The following S100PBP variants were observed in gnomAD, a reference collection of about 807,000 sequenced individuals.
S100PBP encodes S100P-binding protein.
Under a neutral mutation model 39.9 loss-of-function variants are expected in S100PBP, and 15 were observed. That is an observed-to-expected ratio of 0.38 (90% confidence interval 0.25 to 0.58). The LOEUF is 0.58. S100PBP is among the 20% of genes least tolerant of loss of function. The probability of loss-of-function intolerance (pLI) is 0.70; values close to 1 mark genes in which losing one functional copy is unlikely to be tolerated. For synonymous variants in S100PBP, 178 were observed against 180.3 expected (o/e 0.99, Z 0.10); for missense variants, 504 against 487.3 (o/e 1.03, Z -0.32).
At chr1:32,835,194 A>G (rs760341665) in intron 5 of S100PBP, 2 of 152,222 alleles carry the variant, frequency 1.3e-5, no homozygotes, top group Non-Finnish European at 2.9e-5. Flanking sequence ...GTTATTAACT[A>G]GCATTCTTTT....
At chr1:32,838,723 A>G (rs1215032253) in intron 5 of S100PBP, among the ~76,000 whole-genome samples, 1 of 151,782 alleles carries the variant, frequency 6.6e-6, no homozygotes. Context: ...GGTGCCTGCA[A>G]TCCCAGCTAC....
intron 5 of S100PBP, among the ~76,000 whole-genome samples, chr1:32,838,742 C>G (rs1639958748): frequency 6.6e-6 from 1 of 151,846 alleles, no homozygotes; most frequent in African/African-American, 2.4e-5. Flanking sequence ...ACTCTGGAGG[C>G]TGAGGCAGGA....
rs1557485947 is a variant in S100PBP at position 32,826,584 on chromosome 1, A to C, written c.485A>C (p.Lys162Thr). The part of the protein sequence containing the change: ...NPTVCDALLD[K>T]DETDSSKDTE... ...ACAGTTTGTGATGCTCTGCTTGATAAGGACGAGACTGATTCGTCCAAAGAT... is the reference window on the plus strand; with the variant it reads ...ACAGTTTGTGATGCTCTGCTTGATACGGACGAGACTGATTCGTCCAAAGAT... The change falls in exon 3 of 7, where the codon AAG becomes ACG. Residue 162 changes from lysine (K) to threonine (T), a missense_variant. Lys to Thr is a moderately conservative substitution (Grantham distance 78). Transcript: ENST00000373475. The C allele has an allele frequency of 1.2e-6, 2 of 1,613,866 alleles. No individual in the cohort carries two copies. The highest frequency in any genetic ancestry group is 1.7e-6 in the Non-Finnish European group (2 of 1,179,990).
At chr1:32,847,985 C>T (rs867847823) in intron 5 of S100PBP, among the ~76,000 whole-genome samples, 2 of 152,074 alleles carry the variant, frequency 1.3e-5, no homozygotes. Context: ...AAGAATTAAC[C>T]GTAGAGCCGA....
chr1:32,837,072 A>C (rs1569887360), intron 5 of S100PBP: 1 of 149,044 alleles, frequency 6.7e-6, no homozygotes, highest in East Asian at 2.0e-4. Flanking sequence ...CCCCATCTCT[A>C]CTAAAAAAAA....
At chr1:32,855,248 T>TC (rs1640775690) in intron 6 of S100PBP, among the ~76,000 whole-genome samples, 1 of 152,216 alleles carries the variant, frequency 6.6e-6, no homozygotes, top group African/African-American at 2.4e-5. Flanking sequence ...ATTTGTTTTT[T>TC]CTTTTTCTTT....
chr1:32,842,742 C>T (rs1199782706), intron 5 of S100PBP: 2 of 151,772 alleles, frequency 1.3e-5, no homozygotes, highest in Non-Finnish European at 2.9e-5. Context: ...TTACAAATGC[C>T]TGCCACTACA....
At chr1:32,843,505 G>A (rs1031259174) in intron 5 of S100PBP, among the ~76,000 whole-genome samples, 1 of 151,798 alleles carries the variant, frequency 6.6e-6, no homozygotes, top group African/African-American at 2.4e-5. Context: ...TTGCCAGGCT[G>A]GAGTGCGATG....
In S100PBP at chr1:32,858,760, C is replaced by T. The variant is rs142200393; in HGVS notation, c.*2722C>T. 4 of 152,220 alleles carry T rather than the reference C, an allele frequency of 2.6e-5. No individual in the cohort carries two copies. In the East Asian group the frequency reaches 7.7e-4, roughly 29 times the overall value. The allele number at this position is 152,220 out of a possible 1,614,324, so 9.4% of individuals were successfully genotyped here. A position where few individuals can be genotyped will look rare whatever the true frequency, so the allele number is the denominator to read the frequency against. On this transcript the variant is annotated 3_prime_UTR_variant, in exon 7 of 7. Transcript: ENST00000373475. ...TCGAATGCAGGCCCTGATTTACTGGCGTTGTCAGTTTCAATTATGAAACTG... is the reference window on the plus strand; with the variant it reads ...TCGAATGCAGGCCCTGATTTACTGGTGTTGTCAGTTTCAATTATGAAACTG...
At chr1:32,820,101 A>G (rs1311043764) in intron 1 of S100PBP, among the ~76,000 whole-genome samples, 3 of 146,528 alleles carry the variant, frequency 2.0e-5, no homozygotes, top group Non-Finnish European at 4.5e-5. Flanking sequence ...TCTAGGGGAA[A>G]TTCCCTACCA....
At chr1:32,845,613 A>T (rs1557509033) in intron 5 of S100PBP, among the ~76,000 whole-genome samples, 1 of 151,588 alleles carries the variant, frequency 6.6e-6, no homozygotes. Flanking sequence ...TTCTCTAAGC[A>T]TTTTAAGCCA....
chr1:32,841,653 C>T (rs1246530636), intron 5 of S100PBP, among the ~76,000 whole-genome samples: 3 of 148,648 alleles, frequency 2.0e-5, no homozygotes, highest in East Asian at 2.0e-4. Context: ...TGCTTGAACC[C>T]GGAAAGTAAA....
chr1:32,855,108 A>G lies in S100PBP; in HGVS notation c.1113-816A>G, dbSNP rs541824772. Among the ~76,000 whole-genome samples the G allele has an allele frequency of 4.3e-4, 65 of 152,196 alleles. 1 individual carries two copies. Among genetic ancestry groups the G allele is most frequent in the Non-Finnish European group, 6.2e-4 (42 of 68,042 alleles). On this transcript the variant is annotated intron_variant, in intron 6 of 6. Transcript: ENST00000373475. ...ATAAATGTCAGGTACTGTTACAGTT[A>G]TTTTCAACCCTGGCGACTACTCATA...
intron 6 of S100PBP, 90 bp from the exon 7 acceptor site, chr1:32,855,834 C>T: frequency 1.5e-6 from 1 of 666,072 alleles, no homozygotes; most frequent in Non-Finnish European, 2.5e-6. Context: ...TAAAGATCTT[C>T]TTAAAATTGT....
At chr1:32,817,485 G>A (rs1569798121), upstream of S100PBP, 5 of 609,848 alleles carry the variant, frequency 8.2e-6, no homozygotes, top group East Asian at 8.3e-5. Flanking sequence ...GGTGGGCGGT[G>A]CGGAGGGCGG....
intron 5 of S100PBP, among the ~76,000 whole-genome samples, chr1:32,833,370 CTTTT>C (rs747323217): frequency 7.1e-6 from 1 of 141,174 alleles, no homozygotes. Flanking sequence ...TTATTATTTT[CTTTT>C]TTTTTTTTTT....
rs6672560 is a variant in S100PBP at position 32,839,811 on chromosome 1, A to C, written c.1024+9744A>C. On this transcript the variant is annotated intron_variant, in intron 5 of 6. Transcript: ENST00000373475. ...AGGTGTGTACCACTGCACCCAGACT[A>C]TTTTCTTTTACTTATTTGTTTTTTG... Among the ~76,000 whole-genome samples the C allele has an allele frequency of 3.3e-3, 501 of 151,828 alleles. 6 individuals are homozygous for C. The highest frequency in any genetic ancestry group is 0.012 in the African/African-American group (477 of 41,400).
intron 5 of S100PBP, among the ~76,000 whole-genome samples, chr1:32,838,921 T>C (rs1290160588): frequency 1.3e-5 from 2 of 152,296 alleles, no homozygotes; most frequent in Non-Finnish European, 2.9e-5. Flanking sequence ...CATCACCATA[T>C]CCATTTCAAT....
At chr1:32,851,289 T>C (rs910013841) in intron 5 of S100PBP, among the ~76,000 whole-genome samples, 5 of 152,202 alleles carry the variant, frequency 3.3e-5, no homozygotes, top group African/African-American at 1.2e-4. Context: ...CTGCTTTTGA[T>C]TCCCGAAAGC....
Sources: allele counts gnomAD v4.1 joint callset (sites outside exome capture counted in the v4.1 genomes callset), GRCh38; gene constraint gnomAD v4.1.1; transcripts MANE v1.5; gene names NCBI Gene and HGNC (gene_info 2026-07-23, HGNC 2026-07-21).